The following NCALD variants were observed in gnomAD, a reference collection of about 807,000 sequenced individuals.
NCALD encodes neurocalcin delta.
Under a neutral mutation model 18.6 loss-of-function variants are expected in NCALD, and 10 were observed. The observed-to-expected ratio is 0.54, with a 90% CI of 0.33 to 0.91. The LOEUF (loss-of-function observed/expected upper bound fraction) is 0.91. NCALD is among the 40% of genes least tolerant of loss of function. The pLI is 0.03. For missense variants in NCALD, 184 were observed against 247.6 expected (o/e 0.74, Z 1.72); for synonymous variants, 88 against 87.4 (o/e 1.01, Z -0.04).
chr8:102,081,550 A>C (rs1563600920), intron 1 of NCALD, among the ~76,000 whole-genome samples: 5 of 113,678 alleles, frequency 4.4e-5, no homozygotes, highest in African/African-American at 1.6e-4. Context: ...AATGGTAAAA[A>C]AAAAAAAAAA....
intron 1 of NCALD, among the ~76,000 whole-genome samples, chr8:101,749,025 T>A (rs1177627579): frequency 6.6e-6 from 1 of 152,240 alleles, no homozygotes; most frequent in African/African-American, 2.4e-5. Context: ...GTTTTCCATA[T>A]GTAATTGTGC....
chr8:101,702,158 C>A (rs1815297195), intron 2 of NCALD, among the ~76,000 whole-genome samples: 1 of 152,074 alleles, frequency 6.6e-6, no homozygotes, highest in African/African-American at 2.4e-5. Flanking sequence ...AAAACAAAAC[C>A]ATTTTTGCTG....
At chr8:102,061,986 A>T (rs1335251424) in intron 1 of NCALD, among the ~76,000 whole-genome samples, 1 of 152,242 alleles carries the variant, frequency 6.6e-6, no homozygotes, top group Admixed American at 6.5e-5. Flanking sequence ...AAATGCCTTA[A>T]CGAAGGCAAT....
intron 4 of NCALD, among the ~76,000 whole-genome samples, chr8:101,831,744 T>C (rs1344272711): frequency 6.6e-6 from 1 of 152,052 alleles, no homozygotes; most frequent in Non-Finnish European, 1.5e-5. Context: ...TGCAGCAGCC[T>C]AGATCAGAAC....
chr8:101,888,757 A>T (rs186705162), intron 3 of NCALD, among the ~76,000 whole-genome samples: 6 of 152,294 alleles, frequency 3.9e-5, no homozygotes, highest in Admixed American at 1.3e-4. Flanking sequence ...CTGAGAAAAT[A>T]GTTCAGAATA....
chr8:101,826,692 C>A (rs1000811122), intron 4 of NCALD, among the ~76,000 whole-genome samples: 3 of 152,284 alleles, frequency 2.0e-5, no homozygotes, highest in South Asian at 2.1e-4. Flanking sequence ...AATTTCCTTT[C>A]AACCATTATT....
intron 1 of NCALD, among the ~76,000 whole-genome samples, chr8:102,050,470 C>T (rs1314532): frequency 0.88 from 132,440 of 150,748 alleles, 58,282 homozygotes; most frequent in South Asian, 0.95. Flanking sequence ...TTGTTATTTA[C>T]TATATGTATT....
At chr8:101,826,203 A>G (rs959128821) in intron 4 of NCALD, among the ~76,000 whole-genome samples, 9 of 152,246 alleles carry the variant, frequency 5.9e-5, no homozygotes, top group Non-Finnish European at 1.2e-4. Context: ...AGAGAAGAAC[A>G]GCTTCATAGT....
intron 3 of NCALD, among the ~76,000 whole-genome samples, chr8:101,897,024 C>T (rs1817209481): frequency 1.3e-5 from 1 of 77,672 alleles, no homozygotes; most frequent in Non-Finnish European, 2.3e-5. Context: ...GGGTATATAC[C>T]CAAAGGACTA....
intron 1 of NCALD, among the ~76,000 whole-genome samples, chr8:101,721,965 C>A (rs554137348): frequency 7.9e-5 from 12 of 152,144 alleles, no homozygotes; most frequent in African/African-American, 2.9e-4. Flanking sequence ...CCTCAGCCTC[C>A]CAAATAGCTG....
chr8:101,969,231 T>C (rs887219492), intron 2 of NCALD, among the ~76,000 whole-genome samples: 1 of 152,154 alleles, frequency 6.6e-6, no homozygotes, highest in Non-Finnish European at 1.5e-5. Context: ...CCAAATGATG[T>C]CTCCATTTTT....
chr8:101,935,512 T>C (rs1443156184), intron 2 of NCALD, among the ~76,000 whole-genome samples: 1 of 152,040 alleles, frequency 6.6e-6, no homozygotes, highest in Non-Finnish European at 1.5e-5. Context: ...TAAAGGCAAA[T>C]AAAGAACAAA....
At chr8:101,930,253 C>T (rs1397851764) in intron 2 of NCALD, among the ~76,000 whole-genome samples, 1 of 151,978 alleles carries the variant, frequency 6.6e-6, no homozygotes, top group African/African-American at 2.4e-5. Context: ...CTGTAAATTA[C>T]ATAAATATAT....
intron 1 of NCALD, among the ~76,000 whole-genome samples, chr8:101,740,603 G>A (rs1418749893): frequency 6.6e-6 from 1 of 152,108 alleles, no homozygotes; most frequent in Non-Finnish European, 1.5e-5. Flanking sequence ...TTACTATCTG[G>A]TTACTATTTC....
chr8:102,068,372 G>A (rs189571934), intron 1 of NCALD, among the ~76,000 whole-genome samples: 1 of 152,246 alleles, frequency 6.6e-6, no homozygotes, highest in East Asian at 1.9e-4. Flanking sequence ...CTCTCCCCAT[G>A]CTCACGCCAC....
chr8:101,810,655 CAA>C lies in NCALD; in HGVS notation c.-20+76484_-20+76485del, dbSNP rs538144164. Among the ~76,000 whole-genome samples the C allele has an allele frequency of 2.3e-3, 357 of 152,150 alleles. 1 individual carries two copies. Among genetic ancestry groups the C allele is most frequent in the Middle Eastern group, 0.01 (3 of 294 alleles). On this transcript the variant is annotated intron_variant, in intron 4 of 6. Coordinates refer to the NCALD transcript ENST00000311028. ...TTAGCCTATTAAATTCATTTTTTTA[CAA>C]GAGAGAGGAAATAGGACATTAGTTT...
chr8:101,947,558 G>A (rs148862915), intron 2 of NCALD, among the ~76,000 whole-genome samples: 133 of 152,202 alleles, frequency 8.7e-4, no homozygotes, highest in Middle Eastern at 3.4e-3. Flanking sequence ...GCATTGACAT[G>A]GATAAATTCC....
intron 3 of NCALD, among the ~76,000 whole-genome samples, chr8:101,887,562 T>A (rs1024372428): frequency 1.3e-5 from 2 of 151,952 alleles, no homozygotes; most frequent in Non-Finnish European, 2.9e-5. Context: ...GGCCTTATGG[T>A]CTTAATTCAG....
At chr8:101,879,357 G>A (rs1403529092) in intron 4 of NCALD, among the ~76,000 whole-genome samples, 2 of 152,218 alleles carry the variant, frequency 1.3e-5, no homozygotes, top group Admixed American at 6.5e-5. Context: ...CAGTGAAGCT[G>A]CAGACCTTCG....
Sources: gnomAD v4.1 joint callset for allele counts (sites outside exome capture counted in the v4.1 genomes callset) on GRCh38, gnomAD v4.1.1 for gene constraint, MANE v1.5 for transcripts, NCBI Gene and HGNC (gene_info 2026-07-23, HGNC 2026-07-21) for gene names.